SLC16A7: variants seen among roughly 807,000 people sequenced by gnomAD.
The protein encoded by SLC16A7 is monocarboxylate transporter 2.
In SLC16A7, 33 loss-of-function variants were observed where a neutral mutation model predicts 34.9. That is an observed-to-expected ratio of 0.94 (90% CI 0.72 to 1.26). The LOEUF (loss-of-function observed/expected upper bound fraction) is 1.26, where lower values mean the gene tolerates loss of function less well. SLC16A7 is among the 50% of genes most tolerant of loss of function. The pLI is 0.00. For missense variants in SLC16A7, 573 were observed against 578.1 expected (o/e 0.99, Z 0.09); for synonymous variants, 201 against 206.6 (o/e 0.97, Z 0.23).
At chr12:59,644,417 A>G (rs1880819666) in intron 1 of SLC16A7, among the ~76,000 whole-genome samples, 1 of 152,052 alleles carries the variant, frequency 6.6e-6, no homozygotes, top group African/African-American at 2.4e-5. Flanking sequence ...AAATACAAAA[A>G]TGAGCCGAAC....
intron 3 of SLC16A7, among the ~76,000 whole-genome samples, chr12:59,724,488 A>G (rs1875998040): frequency 6.6e-6 from 1 of 152,116 alleles, no homozygotes; most frequent in Non-Finnish European, 1.5e-5. Flanking sequence ...ATGTTGCAAC[A>G]TATATTTCTA....
intron 1 of SLC16A7, among the ~76,000 whole-genome samples, chr12:59,632,901 A>T (rs1880246016): frequency 6.6e-6 from 1 of 151,948 alleles, no homozygotes; most frequent in Non-Finnish European, 1.5e-5. Flanking sequence ...AGAGCTATGG[A>T]AAGAAACTGT....
chr12:59,631,046 T>G (rs1880159294), intron 1 of SLC16A7, among the ~76,000 whole-genome samples: 1 of 151,920 alleles, frequency 6.6e-6, no homozygotes, highest in African/African-American at 2.4e-5. Context: ...TTAGAAATGT[T>G]TTAGAATAGT....
intron 2 of SLC16A7, among the ~76,000 whole-genome samples, chr12:59,699,821 C>T (rs945521010): frequency 6.6e-6 from 1 of 151,770 alleles, no homozygotes; most frequent in Non-Finnish European, 1.5e-5. Flanking sequence ...ATTTGTTATG[C>T]AACACTTACA....
intron 1 of SLC16A7, among the ~76,000 whole-genome samples, chr12:59,612,584 C>T (rs1304805405): frequency 1.3e-5 from 2 of 152,178 alleles, no homozygotes; most frequent in African/African-American, 4.8e-5. Context: ...TGAATTTCTC[C>T]CCAGAAAATG....
chr12:59,617,235 T>G (rs1879493948), intron 1 of SLC16A7, among the ~76,000 whole-genome samples: 1 of 152,028 alleles, frequency 6.6e-6, no homozygotes, highest in South Asian at 2.1e-4. Flanking sequence ...GCAAAATGAT[T>G]CCTTCTTATT....
Position 59,783,188 on chromosome 12 carries a change from G to T in SLC16A7, c.*3509G>T, listed in dbSNP as rs1447450388. ...AAAAAATCCCTTTCATATGTAGAAT[G>T]TGGAAGGCTTTTAATAAAACAAAAA... On this transcript the variant is annotated 3_prime_UTR_variant, in exon 6 of 6. Transcript: ENST00000547379. 1.3e-5 allele frequency: 2 copies of T among 152,060 alleles called. No individual in the cohort carries two copies. Among genetic ancestry groups the T allele is most frequent in the Non-Finnish European group, 2.9e-5 (2 of 68,010 alleles). 9.4% of individuals were successfully genotyped at this position (152,060 alleles called of 1,614,324 possible).
intron 3 of SLC16A7, among the ~76,000 whole-genome samples, chr12:59,753,662 C>CAGTGGGG (rs1237470385): frequency 6.6e-6 from 1 of 152,012 alleles, no homozygotes. Flanking sequence ...TAATGGGAGA[C>CAGTGGGG]TTTAACACCC....
intron 1 of SLC16A7, among the ~76,000 whole-genome samples, chr12:59,611,266 A>G (rs1879179974): frequency 6.6e-6 from 1 of 152,208 alleles, no homozygotes. Flanking sequence ...GTCATGGTAG[A>G]AGGGGGAAGC....
chr12:59,742,722 G>C (rs935166960), intron 3 of SLC16A7, among the ~76,000 whole-genome samples: 1 of 152,180 alleles, frequency 6.6e-6, no homozygotes, highest in Non-Finnish European at 1.5e-5. Flanking sequence ...AGATATTTTA[G>C]GCTCTGCTGA....
intron 1 of SLC16A7, among the ~76,000 whole-genome samples, chr12:59,611,451 G>T (rs186560200): frequency 6.6e-6 from 1 of 152,206 alleles, no homozygotes; most frequent in East Asian, 1.9e-4. Flanking sequence ...CATGACATGT[G>T]GGGGATTCTA....
intron 2 of SLC16A7, among the ~76,000 whole-genome samples, chr12:59,666,551 AG>A (rs1008525248): frequency 3.9e-5 from 6 of 152,106 alleles, no homozygotes; most frequent in Non-Finnish European, 8.8e-5. Context: ...TTGAATCATG[AG>A]GGTGAGTTTT....
At position 59,781,444 on chromosome 12, in the gene SLC16A7, C is replaced by T. The variant is rs1321359153; in HGVS notation, c.*1765C>T. ...GGCTTTTGTAATAGTTAACATTAAA[C>T]ATTTGATTCATAAAGTTAATTCACT... On this transcript the variant is annotated 3_prime_UTR_variant, in exon 6 of 6. Coordinates refer to ENST00000547379, the MANE Select transcript of SLC16A7 (RefSeq NM_001270623.2). 4.6e-5 allele frequency: 7 copies of T among 152,474 alleles called. No homozygotes were observed. The highest frequency in any genetic ancestry group is 1.7e-4 in the African/African-American group (7 of 41,420). 9.4% of individuals were successfully genotyped at this position (152,474 alleles called of 1,614,324 possible).
chr12:59,733,855 A>G (rs1295256884), intron 3 of SLC16A7: 2 of 455,240 alleles, frequency 4.4e-6, no homozygotes, highest in Non-Finnish European at 8.8e-6. Flanking sequence ...TTCTGCAGGC[A>G]GGTCGTCCTG....
At position 59,774,982 on chromosome 12, in the gene SLC16A7, T is replaced by G. The variant is rs764182959; in HGVS notation, c.687T>G (p.Thr229=). The part of the protein sequence containing the change: ...SPKKIKTKKS[T]WEKVNKYLDF... Reference sequence around the variant, plus strand: ...AGAAAATCAAAACGAAGAAATCAACTTGGGAAAAAGTTAATAAGTATTTAG... The same window carrying G: ...AGAAAATCAAAACGAAGAAATCAACGTGGGAAAAAGTTAATAAGTATTTAG... Residue 229 remains threonine, a synonymous_variant, in exon 5 of 6, where the codon ACT becomes ACG. Transcript: ENST00000547379. 16 of 1,613,772 alleles carry G rather than the reference T, an allele frequency of 9.9e-6. No individual in the cohort carries two copies. The highest frequency in any genetic ancestry group is 2.7e-5 in the African/African-American group (2 of 74,886).
At chr12:59,627,642 A>G (rs1365920276) in intron 1 of SLC16A7, among the ~76,000 whole-genome samples, 1 of 151,752 alleles carries the variant, frequency 6.6e-6, no homozygotes, top group Non-Finnish European at 1.5e-5. Context: ...TCTTTTTTAT[A>G]CATTTGACTA....
At chr12:59,666,908 G>T (rs577960310) in intron 2 of SLC16A7, among the ~76,000 whole-genome samples, 7 of 152,178 alleles carry the variant, frequency 4.6e-5, no homozygotes, top group Non-Finnish European at 8.8e-5. Context: ...AAAGAGTTTG[G>T]AGGTGTATTA....
intron 2 of SLC16A7, among the ~76,000 whole-genome samples, chr12:59,687,753 A>G (rs555280872): frequency 6.6e-6 from 1 of 152,058 alleles, no homozygotes; most frequent in South Asian, 2.1e-4. Context: ...GGCTAAAGGG[A>G]CATGTTCTTA....
Position 59,704,323 on chromosome 12 carries a change from G to A in SLC16A7, c.-30-449G>A, listed in dbSNP as rs572645876. On this transcript the variant is annotated intron_variant, in intron 2 of 5. Coordinates refer to ENST00000547379, the MANE Select transcript of SLC16A7 (RefSeq NM_001270623.2). ...GCAATAAAAAAAGCCAATAGATCATGTCAAAAGGCTTTGCATCCATCATTT... is the reference window on the plus strand; with the variant it reads ...GCAATAAAAAAAGCCAATAGATCATATCAAAAGGCTTTGCATCCATCATTT... 2.4e-4 allele frequency among the ~76,000 whole-genome samples: 36 copies of A among 151,936 alleles called. No individual in the cohort carries two copies. The East Asian group carries it at 7.0e-3, about 29-fold the overall frequency.
Sources: allele counts gnomAD v4.1 joint callset (sites outside exome capture counted in the v4.1 genomes callset), GRCh38; gene constraint gnomAD v4.1.1; transcripts MANE v1.5; gene names NCBI Gene and HGNC (gene_info 2026-07-23, HGNC 2026-07-21).